The following MTUS1 variants were observed in gnomAD, a reference collection of about 807,000 sequenced individuals.
MTUS1 encodes microtubule-associated tumor suppressor 1.
MTUS1 carries 109 observed loss-of-function variants against 120.8 expected under a neutral mutation model. That is an observed-to-expected ratio of 0.90 (90% CI 0.77 to 1.06). MTUS1 has a LOEUF of 1.06. Among genes scored for constraint, MTUS1 ranks in the 50% least tolerant of loss-of-function variants. MTUS1 has a pLI of 0.00. For missense variants in MTUS1, 2,210 were observed against 1,486.3 expected (o/e 1.49, Z -8.01); for synonymous variants, 737 against 550.5 (o/e 1.34, Z -4.74).
intron 7 of MTUS1, chr8:17,676,315 G>T (rs189472991): frequency 6.5e-5 from 46 of 703,022 alleles, no homozygotes; most frequent in Non-Finnish European, 1.1e-4. Context: ...ACAGTTTGCT[G>T]CTGGGGCAGC....
chr8:17,797,091 G>A (rs2052302839), intron 1 of MTUS1, among the ~76,000 whole-genome samples: 2 of 152,072 alleles, frequency 1.3e-5, no homozygotes, highest in African/African-American at 4.8e-5. Context: ...ACTCCAACCT[G>A]GGCCACAGAG....
rs370002154 is a variant in MTUS1, at chr8:17,754,489, A to C, written c.1319T>G (p.Phe440Cys). The change falls in exon 2 of 15, where the codon TTT becomes TGT. Residue 440 changes from phenylalanine (F) to cysteine (C), a missense_variant. Coordinates refer to ENST00000693296, the MANE Select transcript of MTUS1 (RefSeq NM_001363059.2). The stretch of plus-strand genomic sequence containing the variant: ...CGTCGCTTCAATCGGTGAAACAGAA[A>C]AGGTTACTTTTGTGGGTTCTAGGAC... ...TPVLEPTKVT[F>C]SVSPIEATEK... is the part of the protein sequence containing the mutation. 1.2e-6 allele frequency: 2 copies of C among 1,614,100 alleles called. No homozygotes were observed. The highest frequency in any genetic ancestry group is 1.7e-6 in the Non-Finnish European group (2 of 1,180,056).
intron 5 of MTUS1, among the ~76,000 whole-genome samples, chr8:17,713,843 C>G (rs961019088): frequency 1.3e-5 from 2 of 152,108 alleles, no homozygotes; most frequent in African/African-American, 4.8e-5. Flanking sequence ...GAACAGCTAC[C>G]ATGTTCTATC....
chr8:17,787,956 C>T (rs890531207), intron 1 of MTUS1, among the ~76,000 whole-genome samples: 6 of 152,320 alleles, frequency 3.9e-5, no homozygotes, highest in Admixed American at 3.3e-4. Flanking sequence ...CCCACCTGCA[C>T]TAAAAATACA....
chr8:17,774,498 G>C (rs1341070084), intron 1 of MTUS1, among the ~76,000 whole-genome samples: 1 of 152,214 alleles, frequency 6.6e-6, no homozygotes, highest in African/African-American at 2.4e-5. Context: ...TGAATCTCAT[G>C]AGAAGATGCT....
At chr8:17,724,069 G>A (rs1022348292) in intron 3 of MTUS1, 3 of 580,258 alleles carry the variant, frequency 5.2e-6, no homozygotes, top group Non-Finnish European at 9.3e-6. Flanking sequence ...AGAAGTGTAG[G>A]AGTAACCCTG....
intron 6 of MTUS1, among the ~76,000 whole-genome samples, chr8:17,709,260 G>C (rs1295832055): frequency 3.3e-5 from 5 of 152,082 alleles, no homozygotes; most frequent in African/African-American, 1.2e-4. Context: ...TATTCATGAT[G>C]TAATGTTATC....
chr8:17,736,842 C>A (rs538285641), intron 3 of MTUS1, among the ~76,000 whole-genome samples: 1 of 152,180 alleles, frequency 6.6e-6, no homozygotes, highest in Non-Finnish European at 1.5e-5. Context: ...GCCTTGGCCA[C>A]CCAAAGTGCT....
At chr8:17,768,687 G>C (rs1284413281) in intron 1 of MTUS1, among the ~76,000 whole-genome samples, 1 of 151,960 alleles carries the variant, frequency 6.6e-6, no homozygotes, top group Non-Finnish European at 1.5e-5. Context: ...ATTATCAAGT[G>C]ACTTATAAGA....
chr8:17,720,494 C>A (rs2045752211), intron 4 of MTUS1, among the ~76,000 whole-genome samples: 1 of 152,198 alleles, frequency 6.6e-6, no homozygotes, highest in Admixed American at 6.5e-5. Flanking sequence ...TCCTTCTGTT[C>A]CTTCCATTTC....
chr8:17,649,128 G>A (rs889952473), intron 13 of MTUS1, among the ~76,000 whole-genome samples: 5 of 151,334 alleles, frequency 3.3e-5, no homozygotes, highest in South Asian at 2.1e-4. Context: ...TTGCTATGTC[G>A]CCCAGGCTGG....
chr8:17,664,366 G>A (rs1313051007), intron 8 of MTUS1, among the ~76,000 whole-genome samples: 5 of 152,070 alleles, frequency 3.3e-5, no homozygotes, highest in Admixed American at 6.5e-5. Context: ...GAGACGAACA[G>A]GAAAAAGAGA....
At chr8:17,707,342 T>C (rs1788152737) in intron 6 of MTUS1, among the ~76,000 whole-genome samples, 3 of 152,220 alleles carry the variant, frequency 2.0e-5, no homozygotes, top group Non-Finnish European at 4.4e-5. Context: ...ACACACTTTG[T>C]TGTGGTCCTC....
chr8:17,791,453 A>T lies in MTUS1; in HGVS notation c.-155+9608T>A, dbSNP rs1429201384. Among the ~76,000 whole-genome samples the T allele has an allele frequency of 1.8e-4, 28 of 152,242 alleles. 1 individual carries two copies. The stretch of plus-strand genomic sequence containing the variant: ...AAAAATCAGAACAGGGAACCTTAGT[A>T]CTGTAATATCCACAAGTCCAAGATT... On this transcript the variant is annotated intron_variant, in intron 1 of 14. Coordinates refer to ENST00000693296, the MANE Select transcript of MTUS1 (RefSeq NM_001363059.2).
chr8:17,672,082 A>C (rs2130606962), intron 8 of MTUS1, among the ~76,000 whole-genome samples: 1 of 152,316 alleles, frequency 6.6e-6, no homozygotes, highest in South Asian at 2.1e-4. Context: ...CTGGATCAGG[A>C]GAATACTCTG....
chr8:17,742,269 G>GTTTTTTTTTTTTTTTTTTTT (rs1210338239), intron 3 of MTUS1, among the ~76,000 whole-genome samples: 1 of 94,900 alleles, frequency 1.1e-5, no homozygotes, highest in Non-Finnish European at 2.1e-5. Context: ...ATGCCCAGCT[G>GTTTTTTTTTTTTTTTTTTTT]TTTTTTTTTT....
chr8:17,686,523 G>A (rs886210748), intron 6 of MTUS1, among the ~76,000 whole-genome samples: 1 of 151,974 alleles, frequency 6.6e-6, no homozygotes, highest in Non-Finnish European at 1.5e-5. Context: ...ATGTCCTACC[G>A]AAACTTACTT....
At chr8:17,648,640 T>G (rs781285742) in intron 13 of MTUS1, among the ~76,000 whole-genome samples, 1 of 152,206 alleles carries the variant, frequency 6.6e-6, no homozygotes, top group Admixed American at 6.5e-5. Flanking sequence ...TGCTGGTATA[T>G]CCACACAGGG....
intron 7 of MTUS1, among the ~76,000 whole-genome samples, chr8:17,683,621 T>G (rs538988012): frequency 6.6e-6 from 1 of 152,236 alleles, no homozygotes; most frequent in African/African-American, 2.4e-5. Flanking sequence ...TGCATTATCA[T>G]GTATAGCCAT....
Sources: allele counts gnomAD v4.1 joint callset (sites outside exome capture counted in the v4.1 genomes callset), GRCh38; gene constraint gnomAD v4.1.1; transcripts MANE v1.5; gene names NCBI Gene and HGNC (gene_info 2026-07-23, HGNC 2026-07-21).